Variants in SNCAIP observed in about 807,000 individuals in gnomAD.
SNCAIP encodes synuclein alpha interacting protein, also known as synphilin-1.
In SNCAIP, 43 loss-of-function variants were observed where a neutral mutation model predicts 86.7. The observed-to-expected ratio is 0.50, with a 90% CI of 0.39 to 0.64. The LOEUF is 0.64. Ranked by LOEUF, SNCAIP falls within the 30% of genes least tolerant of loss-of-function variation. SNCAIP has a pLI of 0.00. For synonymous variants in SNCAIP, 417 were observed against 427.2 expected (o/e 0.98, Z 0.29); for missense variants, 981 against 1,103.1 (o/e 0.89, Z 1.57).
intron 1 of SNCAIP, among the ~76,000 whole-genome samples, chr5:122,368,431 T>A (rs1763612208): frequency 6.6e-6 from 1 of 152,116 alleles, no homozygotes; most frequent in Non-Finnish European, 1.5e-5. Context: ...GATTTCCAGT[T>A]TTTGAACCTC....
chr5:122,417,220 G>T (rs1204492588), intron 3 of SNCAIP, among the ~76,000 whole-genome samples: 3 of 152,172 alleles, frequency 2.0e-5, no homozygotes, highest in Non-Finnish European at 4.4e-5. Context: ...AGTCTTAGGA[G>T]CCAAAGAGTT....
chr5:122,422,472 C>T (rs1370633611), intron 3 of SNCAIP, among the ~76,000 whole-genome samples: 1 of 152,130 alleles, frequency 6.6e-6, no homozygotes, highest in Non-Finnish European at 1.5e-5. Flanking sequence ...CCCTTTTCTC[C>T]CTAAATCAGT....
At chr5:122,454,091 G>A (rs995675315) in intron 10 of SNCAIP, among the ~76,000 whole-genome samples, 3 of 152,154 alleles carry the variant, frequency 2.0e-5, no homozygotes, top group Non-Finnish European at 2.9e-5. Context: ...ATATTTAAAC[G>A]AATTGAAAAA....
At chr5:122,363,233 T>G (rs1291275643) in intron 1 of SNCAIP, among the ~76,000 whole-genome samples, 1 of 152,134 alleles carries the variant, frequency 6.6e-6, no homozygotes. Context: ...CAACCTCAGG[T>G]GATCTGCCTG....
chr5:122,423,715 TAAA>T lies in SNCAIP; in HGVS notation c.979_981del (p.Lys327del). ...AAGTGAAAAGCATCTTGAACATTGT[TAAA>T]GAAGGACAGATCTCTCTCCTGGTAA... On this transcript the variant is annotated inframe_deletion, in exon 4 of 11. Transcript: ENST00000261368. The T allele has an allele frequency of 6.2e-7, 1 of 1,602,096 alleles. No individual in the cohort carries two copies. The highest frequency in any genetic ancestry group is 8.5e-7 in the Non-Finnish European group (1 of 1,179,862).
intron 5 of SNCAIP, among the ~76,000 whole-genome samples, chr5:122,428,778 G>A (rs1030988206): frequency 6.6e-6 from 1 of 150,712 alleles, no homozygotes; most frequent in Non-Finnish European, 1.5e-5. Flanking sequence ...AGTGTGTGAT[G>A]TTCCCCGCCT....
chr5:122,413,620 G>A (rs753596211), intron 3 of SNCAIP, among the ~76,000 whole-genome samples: 1 of 151,896 alleles, frequency 6.6e-6, no homozygotes, highest in Non-Finnish European at 1.5e-5. Flanking sequence ...GCATAGAGAC[G>A]TTCAATATAT....
intron 1 of SNCAIP, among the ~76,000 whole-genome samples, chr5:122,324,784 A>T (rs891606529): frequency 6.6e-6 from 1 of 152,248 alleles, no homozygotes; most frequent in Non-Finnish European, 1.5e-5. Context: ...CCATTACAGA[A>T]CATTTGATTC....
At chr5:122,348,816 G>C (rs756220132) in intron 1 of SNCAIP, among the ~76,000 whole-genome samples, 1 of 152,068 alleles carries the variant, frequency 6.6e-6, no homozygotes, top group Non-Finnish European at 1.5e-5. Context: ...AATTGATGAC[G>C]TTTTTGAGTA....
chr5:122,368,695 C>A (rs1157593754), intron 1 of SNCAIP, among the ~76,000 whole-genome samples: 1 of 152,166 alleles, frequency 6.6e-6, no homozygotes, highest in East Asian at 1.9e-4. Flanking sequence ...GAGCTCTTAT[C>A]CACATTTCTC....
chr5:122,432,162 C>G, intron 6 of SNCAIP, 80 bp downstream of exon 6: 1 of 733,150 alleles, frequency 1.4e-6, no homozygotes, highest in South Asian at 1.5e-5. Context: ...CCATCAAAAT[C>G]CAAACATAAG....
intron 1 of SNCAIP, among the ~76,000 whole-genome samples, chr5:122,344,556 G>A (rs909170311): frequency 6.6e-6 from 1 of 152,170 alleles, no homozygotes; most frequent in African/African-American, 2.4e-5. Context: ...CTCAGATGAT[G>A]CATGAAGTGA....
At chr5:122,445,522 A>C (rs1359473762) in intron 8 of SNCAIP, among the ~76,000 whole-genome samples, 1 of 152,218 alleles carries the variant, frequency 6.6e-6, no homozygotes, top group East Asian at 1.9e-4. Context: ...CCCATTAAAT[A>C]CAGTTTCCAG....
At chr5:122,391,015 A>C in intron 1 of SNCAIP, 74 bp from the exon 2 acceptor site, 1 of 785,672 alleles carries the variant, frequency 1.3e-6, no homozygotes, top group Admixed American at 1.8e-5. Context: ...TTATTTGTTT[A>C]AATGTAGACA....
At chr5:122,352,134 C>T (rs367986123) in intron 1 of SNCAIP, among the ~76,000 whole-genome samples, 28 of 152,218 alleles carry the variant, frequency 1.8e-4, no homozygotes, top group East Asian at 1.7e-3. Flanking sequence ...TTTGTTTCTG[C>T]TCCCCTTATC....
intron 1 of SNCAIP, among the ~76,000 whole-genome samples, chr5:122,376,332 TA>T (rs1765315321): frequency 1.3e-5 from 2 of 150,066 alleles, no homozygotes; most frequent in East Asian, 4.0e-4. Flanking sequence ...AGAAATTGAG[TA>T]ATTTTTGCAA....
intron 10 of SNCAIP, among the ~76,000 whole-genome samples, chr5:122,455,643 G>T (rs1784593138): frequency 6.6e-6 from 1 of 152,028 alleles, no homozygotes; most frequent in African/African-American, 2.4e-5. Context: ...GAATACATTG[G>T]AATTCCATTT....
chr5:122,384,541 C>T (rs1300289989), intron 1 of SNCAIP, among the ~76,000 whole-genome samples: 1 of 152,204 alleles, frequency 6.6e-6, no homozygotes, highest in Non-Finnish European at 1.5e-5. Context: ...GTTTCCTTAT[C>T]TCCACAAAAG....
intron 1 of SNCAIP, among the ~76,000 whole-genome samples, chr5:122,319,275 C>G (rs146930023): frequency 6.6e-4 from 101 of 151,978 alleles, no homozygotes; most frequent in Non-Finnish European, 9.9e-4. Context: ...GAGGTAAGGG[C>G]TCCAGTACTA....
Sources: allele counts gnomAD v4.1 joint callset (sites outside exome capture counted in the v4.1 genomes callset), GRCh38; gene constraint gnomAD v4.1.1; transcripts MANE v1.5; gene names NCBI Gene and HGNC (gene_info 2026-07-23, HGNC 2026-07-21).